TMTC4: variants seen among roughly 807,000 people sequenced by gnomAD.
The protein encoded by TMTC4 is protein O-mannosyl-transferase TMTC4.
In TMTC4, 65 loss-of-function variants were observed where a neutral mutation model predicts 86.0. The ratio of observed to expected loss-of-function variants is 0.76; its 90% CI spans 0.62 to 0.93. The LOEUF (loss-of-function observed/expected upper bound fraction) is 0.93, where lower values mean the gene tolerates loss of function less well. Among genes scored for constraint, TMTC4 ranks in the 40% least tolerant of loss-of-function variants. TMTC4 has a pLI of 0.00. For synonymous variants in TMTC4, 379 were observed against 382.5 expected, an observed-to-expected ratio of 0.99 and a Z score of 0.11; for missense variants, 866 against 948.1, an observed-to-expected ratio of 0.91 and a Z score of 1.14.
chr13:100,616,973 CTT>C (rs1252350053), intron 15 of TMTC4, among the ~76,000 whole-genome samples: 3 of 152,288 alleles, frequency 2.0e-5, no homozygotes, highest in East Asian at 1.9e-4. Context: ...TGTTTACTCT[CTT>C]GATAGTTTCT....
intron 15 of TMTC4, among the ~76,000 whole-genome samples, chr13:100,616,406 T>C (rs1878514139): frequency 6.6e-6 from 1 of 152,186 alleles, no homozygotes; most frequent in Admixed American, 6.5e-5. Flanking sequence ...TTTCACCATC[T>C]TGGCCAGGCT....
chr13:100,671,963 T>G (rs1002992033), intron 1 of TMTC4, among the ~76,000 whole-genome samples: 3 of 151,688 alleles, frequency 2.0e-5, no homozygotes, highest in Non-Finnish European at 4.4e-5. Flanking sequence ...AAGGCTCTGG[T>G]GACGGACAAA....
intron 2 of TMTC4, 85 bp downstream of exon 2, chr13:100,670,275 T>C (rs963453329): frequency 3.0e-5 from 46 of 1,519,872 alleles, no homozygotes; most frequent in Non-Finnish European, 4.0e-5. Flanking sequence ...GCCAGCCAAA[T>C]AGGCCACCTG....
At chr13:100,631,425 T>C (rs1881339145) in intron 12 of TMTC4, among the ~76,000 whole-genome samples, 1 of 152,246 alleles carries the variant, frequency 6.6e-6, no homozygotes, top group Admixed American at 6.5e-5. Context: ...AAAGAATTTA[T>C]TATAGAATTG....
intron 15 of TMTC4, among the ~76,000 whole-genome samples, chr13:100,616,046 T>G (rs1431491792): frequency 6.6e-6 from 1 of 150,894 alleles, no homozygotes; most frequent in Non-Finnish European, 1.5e-5. Context: ...GCATCCATGT[T>G]GCTGCAAAGG....
intron 3 of TMTC4, chr13:100,665,849 C>T (rs751154428): frequency 3.3e-4 from 107 of 328,352 alleles, no homozygotes; most frequent in Non-Finnish European, 6.1e-4. Context: ...CTTCCATGGG[C>T]ATCGGCTTCA....
chr13:100,620,920 G>C (rs756352853), intron 15 of TMTC4, among the ~76,000 whole-genome samples: 1 of 152,216 alleles, frequency 6.6e-6, no homozygotes, highest in Non-Finnish European at 1.5e-5. Context: ...AGTTGTTAAA[G>C]ATTAAGCTCT....
chr13:100,643,271 T>C (rs1204374815), intron 6 of TMTC4, among the ~76,000 whole-genome samples: 1 of 152,220 alleles, frequency 6.6e-6, no homozygotes. Flanking sequence ...AATTGTTAGC[T>C]CGCCTGGCAT....
intron 15 of TMTC4, among the ~76,000 whole-genome samples, chr13:100,617,987 C>T (rs1031236790): frequency 7.9e-5 from 12 of 152,144 alleles, no homozygotes; most frequent in Non-Finnish European, 1.0e-4. Flanking sequence ...TTTTTCCACT[C>T]GTTTGTGTCA....
intron 4 of TMTC4, 130 bp downstream of exon 4, chr13:100,664,091 G>T: frequency 1.5e-6 from 1 of 655,338 alleles, no homozygotes; most frequent in Non-Finnish European, 2.5e-6. Context: ...ATGTATATGA[G>T]CAGCTCAGAC....
Position 100,643,264 on chromosome 13 carries a change from T to C in TMTC4, c.641-953A>G, listed in dbSNP as rs921925618. Among the ~76,000 whole-genome samples the C allele has an allele frequency of 2.0e-5, 3 of 152,212 alleles. No homozygotes were observed. The East Asian group carries it at 5.8e-4, about 29-fold the overall frequency. ...AGCGAACCTTCTTGGAGAATCCAAT[T>C]GTTAGCTCGCCTGGCATTACTCGGT... On this transcript the variant is annotated intron_variant, in intron 6 of 18. Coordinates refer to ENST00000342624, the MANE Select transcript of TMTC4 (RefSeq NM_032813.5).
chr13:100,655,779 G>C (rs1327927951), intron 6 of TMTC4, among the ~76,000 whole-genome samples: 2 of 90,054 alleles, frequency 2.2e-5, no homozygotes, highest in Non-Finnish European at 5.3e-5. Flanking sequence ...ATCCAGGCTT[G>C]ATAAGGTAAT....
intron 16 of TMTC4, among the ~76,000 whole-genome samples, chr13:100,612,940 C>G (rs1424503594): frequency 1.3e-5 from 2 of 152,142 alleles, no homozygotes; most frequent in Non-Finnish European, 1.5e-5. Flanking sequence ...TGCTCTACAC[C>G]ATGATCAAAT....
At chr13:100,656,679 G>A (rs537080866) in intron 5 of TMTC4, among the ~76,000 whole-genome samples, 9 of 151,732 alleles carry the variant, frequency 5.9e-5, no homozygotes, top group Non-Finnish European at 1.2e-4. Flanking sequence ...GAATAGCTGG[G>A]AGCAGAGGCG....
intron 6 of TMTC4, among the ~76,000 whole-genome samples, chr13:100,643,222 G>GTA (rs1229203317): frequency 2.6e-5 from 4 of 152,206 alleles, no homozygotes; most frequent in African/African-American, 9.7e-5. Flanking sequence ...AAAGAGATCG[G>GTA]TATCAAGTGG....
At chr13:100,670,242 C>T in intron 2 of TMTC4, 118 bp downstream of exon 2, 1 of 1,164,330 alleles carries the variant, frequency 8.6e-7, no homozygotes. Flanking sequence ...AGTGGATACC[C>T]CAGATTATGG....
intron 15 of TMTC4, 81 bp from the exon 16 acceptor site, chr13:100,614,511 A>G: frequency 9.1e-7 from 1 of 1,093,694 alleles, no homozygotes. Flanking sequence ...AAAAAAAAAA[A>G]AGAAAGAAAA....
In TMTC4 at chr13:100,614,322, T is replaced by G; in HGVS notation, c.1945A>C (p.Asn649His). The G allele has an allele frequency of 6.2e-7, 1 of 1,612,732 alleles. No homozygotes were observed. The highest frequency in any genetic ancestry group is 8.5e-7 in the Non-Finnish European group (1 of 1,179,270). ...TCCATCCAGCTTTCTGTACCTGTAT[T>G]GTCGAGGAGTATAATCATGTTGTTC... The part of the protein sequence containing the change: ...AWNNMIILLD[N>H]TGNLAQAEAV... Residue 649 changes from asparagine to histidine, a missense_variant, in exon 16 of 19, where the codon AAT becomes CAT. Asn to His is a moderately conservative substitution (Grantham distance 68). Coordinates refer to ENST00000342624, the MANE Select transcript of TMTC4 (RefSeq NM_032813.5).
rs1229440623 is a variant in TMTC4 at position 100,636,577 on chromosome 13, C to A, written c.1157G>T (p.Gly386Val). ...ALAALWFCLI[G>V]LICQALCSED... The stretch of plus-strand genomic sequence containing the variant: ...AGAGCACAGGGCTTGGCATATCAGG[C>A]CAATTAGGCAGAACCAGAGTGCTGC... Residue 386 changes from glycine to valine, a missense_variant, in exon 10 of 19, where the codon GGC becomes GTC. Transcript: ENST00000342624. The A allele has an allele frequency of 6.2e-7, 1 of 1,614,200 alleles. No homozygotes were observed. The highest frequency in any genetic ancestry group is 8.5e-7 in the Non-Finnish European group (1 of 1,180,054).
Sources: allele counts gnomAD v4.1 joint callset (sites outside exome capture counted in the v4.1 genomes callset), GRCh38; gene constraint gnomAD v4.1.1; transcripts MANE v1.5; gene names NCBI Gene and HGNC (gene_info 2026-07-23, HGNC 2026-07-21).